The following CCDC40 variants were observed in gnomAD, a reference collection of about 807,000 sequenced individuals.
The protein encoded by CCDC40 is coiled-coil domain 40 molecular ruler complex subunit.
A neutral mutation model predicts 124.5 loss-of-function variants in CCDC40; 104 were observed. The observed-to-expected ratio is 0.84, with a 90% CI of 0.71 to 0.98. The LOEUF (loss-of-function observed/expected upper bound fraction) is 0.98, where lower values mean the gene tolerates loss of function less well. Ranked by LOEUF, CCDC40 falls within the 50% of genes least tolerant of loss-of-function variation. The pLI, the probability that CCDC40 is intolerant of heterozygous loss-of-function variation, is 0.00. For synonymous variants in CCDC40, 580 were observed against 602.9 expected, an observed-to-expected ratio of 0.96 and a Z score of 0.56; for missense variants, 1,463 against 1,503.9, an observed-to-expected ratio of 0.97 and a Z score of 0.45.
intron 13 of CCDC40, among the ~76,000 whole-genome samples, chr17:80,085,426 C>T (rs752568745): frequency 6.6e-6 from 1 of 152,226 alleles, no homozygotes; most frequent in Non-Finnish European, 1.5e-5. Flanking sequence ...GGTCCCTGTA[C>T]TCTCAAAGCC....
chr17:80,076,733 A>G (rs2038319835), intron 10 of CCDC40, among the ~76,000 whole-genome samples: 1 of 151,910 alleles, frequency 6.6e-6, no homozygotes. Context: ...AGCATTTTTT[A>G]GCAATAAAGT....
chr17:80,078,312 CAG>C (rs2038360578), intron 10 of CCDC40, among the ~76,000 whole-genome samples: 1 of 124,334 alleles, frequency 8.0e-6, no homozygotes, highest in African/African-American at 3.2e-5. Flanking sequence ...GCCTGGGCAA[CAG>C]AGCGAGACTC....
At chr17:80,076,063 G>A (rs113885792) in intron 10 of CCDC40, among the ~76,000 whole-genome samples, 15 of 152,308 alleles carry the variant, frequency 9.8e-5, no homozygotes, top group African/African-American at 1.2e-4. Flanking sequence ...GATGCCATGC[G>A]CATTGTTGAA....
intron 3 of CCDC40, among the ~76,000 whole-genome samples, chr17:80,046,499 C>T (rs1396817380): frequency 2.7e-5 from 4 of 150,866 alleles, no homozygotes; most frequent in East Asian, 1.9e-4. Context: ...CAGCACTGCA[C>T]GCCAGTCTAG....
chr17:80,090,623 C>A, intron 17 of CCDC40: 1 of 1,466,110 alleles, frequency 6.8e-7, no homozygotes, highest in Non-Finnish European at 9.0e-7. Flanking sequence ...TCTCACACCA[C>A]AGAAGGGCTC....
chr17:80,072,014 T>C (rs893393292), intron 10 of CCDC40, among the ~76,000 whole-genome samples: 1 of 152,052 alleles, frequency 6.6e-6, no homozygotes, highest in African/African-American at 2.4e-5. Context: ...TGATTTTGTA[T>C]TTTTAAAAGA....
intron 17 of CCDC40, chr17:80,090,631 C>T: frequency 2.1e-6 from 3 of 1,456,352 alleles, no homozygotes; most frequent in East Asian, 2.5e-5. Flanking sequence ...CACAGAAGGG[C>T]TCAGAGAGCA....
At chr17:80,053,408 GC>G (rs2072888452) in intron 7 of CCDC40, among the ~76,000 whole-genome samples, 1 of 152,204 alleles carries the variant, frequency 6.6e-6, no homozygotes, top group Non-Finnish European at 1.5e-5. Context: ...ACCTATCCCA[GC>G]CCAGATTTCA....
chr17:80,068,613 TAC>T (rs1366525661), intron 10 of CCDC40, among the ~76,000 whole-genome samples: 1 of 151,992 alleles, frequency 6.6e-6, no homozygotes, highest in Non-Finnish European at 1.5e-5. Context: ...GGATGGTGCA[TAC>T]CAGGCCGGTA....
In CCDC40 at chr17:80,058,664, C is replaced by T; in HGVS notation, c.1317+13C>T. The T allele has an allele frequency of 6.2e-7, 1 of 1,614,050 alleles. No individual in the cohort carries two copies. Among genetic ancestry groups the T allele is most frequent in the Non-Finnish European group, 8.5e-7 (1 of 1,179,898 alleles). ...GAAGAAAAAGCAGGTATTCTGCAAACTCGACACATGTTTAATGATCACCAG... is the reference window on the plus strand; with the variant it reads ...GAAGAAAAAGCAGGTATTCTGCAAATTCGACACATGTTTAATGATCACCAG... On this transcript the variant is annotated intron_variant, in intron 8 of 19. Transcript: ENST00000397545. This position sits in a 1 kb window ranked among gnomAD's most constrained non-coding sequence, Gnocchi z 4.2.
At chr17:80,038,254 G>A in intron 2 of CCDC40, 68 bp downstream of exon 2, 1 of 1,086,348 alleles carries the variant, frequency 9.2e-7, no homozygotes, top group African/African-American at 1.6e-5. Context: ...TCAGAGTACG[G>A]GCACTGTGGC....
At chr17:80,099,309 C>T (rs1339926208) in intron 19 of CCDC40, among the ~76,000 whole-genome samples, 1 of 151,562 alleles carries the variant, frequency 6.6e-6, no homozygotes, top group African/African-American at 2.4e-5. Context: ...AAAAGAATGC[C>T]TCCTAGATGG....
intron 7 of CCDC40, 100 bp downstream of exon 7, chr17:80,050,383 T>A: frequency 1.1e-6 from 1 of 937,522 alleles, no homozygotes; most frequent in Admixed American, 2.0e-5. Context: ...GTAAGATGTG[T>A]GTGCATCCTG....
At chr17:80,061,944 TG>T (rs1376832407) in intron 9 of CCDC40, among the ~76,000 whole-genome samples, 1 of 152,058 alleles carries the variant, frequency 6.6e-6, no homozygotes, top group Non-Finnish European at 1.5e-5. Flanking sequence ...ATAACATTTT[TG>T]TATGTTAAAA....
At position 80,097,394 on chromosome 17, in the gene CCDC40, C is replaced by G; in HGVS notation, c.3171C>G (p.Leu1057=). Residue 1057 remains leucine (L), a synonymous_variant, in exon 19 of 20, where the codon CTC becomes CTG. Transcript: ENST00000397545. ...CCGACCTCACCCGGCTTGGGGCCCT[C>G]AAACGACAGGTAAACGTGTCCCAGG... The part of the protein sequence containing the change: ...LEADLTRLGA[L]KRQNLSEIVA... 1.9e-6 allele frequency: 3 copies of G among 1,613,924 alleles called. No individual in the cohort carries two copies. Among genetic ancestry groups the G allele is most frequent in the Non-Finnish European group, 2.5e-6 (3 of 1,180,004 alleles).
In CCDC40 at chr17:80,067,854, T is replaced by C. The variant is rs1419230676; in HGVS notation, c.1562+2248T>C. 3 of 1,397,504 alleles carry C rather than the reference T, an allele frequency of 2.1e-6. No homozygotes were observed. The African/African-American group carries it at 4.3e-5, about 20-fold the overall frequency. The allele number at this position is 1,397,504 out of a possible 1,614,324, so 86.6% of individuals were successfully genotyped here. On this transcript the variant is annotated intron_variant, in intron 10 of 19. Transcript: ENST00000397545. The stretch of plus-strand genomic sequence containing the variant: ...ACACTTCAGGACTGTGCCAATCCGA[T>C]TGATGAAGAAAATAGATAATCTTGT...
intron 16 of CCDC40, chr17:80,088,344 C>G: frequency 1.9e-6 from 1 of 539,096 alleles, no homozygotes; most frequent in Non-Finnish European, 3.4e-6. Flanking sequence ...CTCTGCCTCC[C>G]AGCTTCAAGT....
chr17:80,059,957 C>T (rs563853086), intron 9 of CCDC40, among the ~76,000 whole-genome samples: 3 of 152,306 alleles, frequency 2.0e-5, no homozygotes, highest in South Asian at 4.1e-4. Flanking sequence ...CAGCACTGGT[C>T]TCTCCAGCTA....
chr17:80,040,227 A>G lies in CCDC40; in HGVS notation c.509A>G (p.Glu170Gly), dbSNP rs765834291. The change falls in exon 3 of 20, where the codon GAG becomes GGG. Residue 170 changes from glutamate (E) to glycine (G), a missense_variant. Coordinates refer to ENST00000397545, the MANE Select transcript of CCDC40 (RefSeq NM_017950.4). The stretch of plus-strand genomic sequence containing the variant: ...TCCCACGGAGTCTTAGGCCCGTCGG[A>G]GCAAATGGGCCAGGTCACCTCTGGG... Reference protein sequence around the residue: ...EPSHGVLGPSEQMGQVTSGPA... With the variant: ...EPSHGVLGPSGQMGQVTSGPA... The G allele has an allele frequency of 6.2e-6, 10 of 1,613,868 alleles. No individual in the cohort carries two copies. The African/African-American group carries it at 9.3e-5, about 15-fold the overall frequency.
Sources: gnomAD v4.1 joint callset for allele counts (sites outside exome capture counted in the v4.1 genomes callset) on GRCh38, gnomAD v4.1.1 for gene constraint, Gnocchi (gnomAD v3.1) non-coding constraint, MANE v1.5 for transcripts, NCBI Gene and HGNC (gene_info 2026-07-23, HGNC 2026-07-21) for gene names.